The following MCU variants were observed in gnomAD, a reference collection of about 807,000 sequenced individuals.
MCU encodes mitochondrial calcium uniporter.
MCU carries 12 observed loss-of-function variants against 45.2 expected under a neutral mutation model. The ratio of observed to expected loss-of-function variants is 0.27; its 90% CI spans 0.17 to 0.43. The LOEUF is 0.43. Among genes scored for constraint, MCU ranks in the 20% least tolerant of loss-of-function variants. The pLI, the probability that MCU is intolerant of heterozygous loss-of-function variation, is 1.00. For synonymous variants in MCU, 160 were observed against 165.1 expected, an observed-to-expected ratio of 0.97 and a Z score of 0.24; for missense variants, 324 against 436.7, an observed-to-expected ratio of 0.74 and a Z score of 2.30.
At chr10:72,720,163 G>T (rs536022516) in intron 1 of MCU, among the ~76,000 whole-genome samples, 1 of 152,188 alleles carries the variant, frequency 6.6e-6, no homozygotes, top group East Asian at 1.9e-4. Flanking sequence ...ACTGTGCCTG[G>T]CCAATAATGT....
At chr10:72,776,821 A>G (rs1344619963) in intron 1 of MCU, among the ~76,000 whole-genome samples, 1 of 152,222 alleles carries the variant, frequency 6.6e-6, no homozygotes, top group Non-Finnish European at 1.5e-5. Flanking sequence ...AGAGAAACCT[A>G]AAGACTCCAC....
chr10:72,783,107 T>C (rs1393158963), intron 1 of MCU, among the ~76,000 whole-genome samples: 3 of 152,248 alleles, frequency 2.0e-5, no homozygotes, highest in Non-Finnish European at 4.4e-5. Flanking sequence ...ATATTCACCC[T>C]AAGTACTTCA....
intron 1 of MCU, among the ~76,000 whole-genome samples, chr10:72,823,871 G>A (rs1184436145): frequency 6.6e-6 from 1 of 151,978 alleles, no homozygotes; most frequent in Admixed American, 6.6e-5. Flanking sequence ...ACCAGCCCTG[G>A]CAACATAGCC....
intron 5 of MCU, among the ~76,000 whole-genome samples, chr10:72,869,819 C>T (rs374035017): frequency 2.0e-5 from 3 of 151,922 alleles, no homozygotes; most frequent in African/African-American, 7.2e-5. Flanking sequence ...GGGGGGTATC[C>T]GGGAACCAAT....
In MCU at chr10:72,754,836, A is replaced by G. The variant is rs554252033; in HGVS notation, c.150+62535A>G. Among the ~76,000 whole-genome samples, 221 of 152,298 alleles carry G rather than the reference A, an allele frequency of 1.5e-3. 2 individuals are homozygous for G. The highest frequency in any genetic ancestry group is 4.9e-3 in the African/African-American group (202 of 41,554). ...AGCTAGACACTGCCTCAAAAACAAC[A>G]ACAACAAAAAGCCCAACAAATGACA... On this transcript the variant is annotated intron_variant, in intron 1 of 7. Coordinates refer to ENST00000373053, the MANE Select transcript of MCU (RefSeq NM_138357.3).
At chr10:72,738,086 A>G (rs553133177) in intron 1 of MCU, among the ~76,000 whole-genome samples, 21 of 152,338 alleles carry the variant, frequency 1.4e-4, no homozygotes, top group South Asian at 2.1e-4. Context: ...CCTAGACTGG[A>G]CACTGGGAAC....
intron 1 of MCU, among the ~76,000 whole-genome samples, chr10:72,795,166 T>C (rs1844224741): frequency 6.6e-6 from 1 of 152,166 alleles, no homozygotes; most frequent in Non-Finnish European, 1.5e-5. Flanking sequence ...TTAGGTATAT[T>C]TCTTATTTTC....
In MCU at chr10:72,755,305, T is replaced by C. The variant is rs548909457; in HGVS notation, c.150+63004T>C. 1.4e-3 allele frequency among the ~76,000 whole-genome samples: 220 copies of C among 152,120 alleles called. 2 individuals are homozygous for C. The highest frequency in any genetic ancestry group is 4.8e-3 in the African/African-American group (201 of 41,504). Reference sequence around the variant, plus strand: ...CTGGGATTACAGGCATGCACCACCATGCCCAGCTAGTTTTGTATTTTTAGT... The same window carrying C: ...CTGGGATTACAGGCATGCACCACCACGCCCAGCTAGTTTTGTATTTTTAGT... On this transcript the variant is annotated intron_variant, in intron 1 of 7. Transcript: ENST00000373053.
At chr10:72,748,412 T>C (rs1277058945) in intron 1 of MCU, among the ~76,000 whole-genome samples, 8 of 152,262 alleles carry the variant, frequency 5.3e-5, no homozygotes, top group Admixed American at 5.2e-4. Flanking sequence ...AACTGTCATA[T>C]TGAACAGTGT....
At chr10:72,715,517 C>T (rs1164005536) in intron 1 of MCU, among the ~76,000 whole-genome samples, 2 of 152,152 alleles carry the variant, frequency 1.3e-5, no homozygotes, top group Non-Finnish European at 2.9e-5. Context: ...ACTATGCTAC[C>T]TCACACAGTT....
At chr10:72,706,934 A>C (rs1842829165) in intron 1 of MCU, among the ~76,000 whole-genome samples, 1 of 146,848 alleles carries the variant, frequency 6.8e-6, no homozygotes, top group Non-Finnish European at 1.5e-5. Context: ...GGTTCAAGTG[A>C]TTCTCCTGCC....
intron 1 of MCU, among the ~76,000 whole-genome samples, chr10:72,829,478 A>G (rs967625760): frequency 6.6e-6 from 1 of 152,078 alleles, no homozygotes; most frequent in Non-Finnish European, 1.5e-5. Flanking sequence ...TATGAAATTT[A>G]AATATATAAA....
chr10:72,729,980 A>C, intron 1 of MCU, among the ~76,000 whole-genome samples: 1 of 118,000 alleles, frequency 8.5e-6, no homozygotes. Flanking sequence ...TTTTTTCGAG[A>C]CAGTGTCTGG....
At position 72,765,857 on chromosome 10, in the gene MCU, A is replaced by C. The variant is rs114143171; in HGVS notation, c.151-68502A>C. Among the ~76,000 whole-genome samples the C allele has an allele frequency of 7.9e-3, 1,165 of 146,584 alleles. 13 individuals carry two copies. The highest frequency in any genetic ancestry group is 0.026 in the African/African-American group (1,039 of 40,290). The stretch of plus-strand genomic sequence containing the variant: ...ACAATTCAGATGACTATTTTCTTTT[A>C]TTTTATTTTCTTTTTCTTTTTTTTG... On this transcript the variant is annotated intron_variant, in intron 1 of 7. Transcript: ENST00000373053.
chr10:72,778,137 A>C (rs553762532), intron 1 of MCU, among the ~76,000 whole-genome samples: 14 of 152,314 alleles, frequency 9.2e-5, no homozygotes, highest in Non-Finnish European at 1.6e-4. Context: ...AAAACTAAAA[A>C]TAGAGCTGCC....
At chr10:72,824,483 A>G (rs1844766101) in intron 1 of MCU, among the ~76,000 whole-genome samples, 1 of 151,262 alleles carries the variant, frequency 6.6e-6, no homozygotes, top group Non-Finnish European at 1.5e-5. Context: ...TGCTGGGATT[A>G]CAGGCGTGAG....
intron 6 of MCU, among the ~76,000 whole-genome samples, chr10:72,878,101 A>G (rs1845643884): frequency 6.6e-6 from 1 of 150,578 alleles, no homozygotes; most frequent in African/African-American, 2.5e-5. Context: ...TATTTCTACA[A>G]ATAATTTTGC....
chr10:72,881,626 A>G (rs147876870), intron 6 of MCU, among the ~76,000 whole-genome samples: 3 of 152,370 alleles, frequency 2.0e-5, no homozygotes, highest in African/African-American at 7.2e-5. Context: ...ATACCCTACA[A>G]AGGATCTATA....
chr10:72,885,858 A>T lies in MCU; in HGVS notation c.*36A>T, dbSNP rs757335218. 1 of 1,554,548 alleles carries T rather than the reference A, an allele frequency of 6.4e-7. No individual in the cohort carries two copies. Among genetic ancestry groups the T allele is most frequent in the East Asian group, 2.2e-5 (1 of 44,592 alleles). On this transcript the variant is annotated 3_prime_UTR_variant, in exon 8 of 8. Transcript: ENST00000373053. ...GCCTCTGAATCCTGGCAGAAGGAAC[A>T]CCTGTTTGCCTTTTTAATTAAAGCA... is the stretch of plus-strand genomic sequence containing the variant.
Sources: gnomAD v4.1 joint callset for allele counts (sites outside exome capture counted in the v4.1 genomes callset) on GRCh38, gnomAD v4.1.1 for gene constraint, MANE v1.5 for transcripts, NCBI Gene and HGNC (gene_info 2026-07-23, HGNC 2026-07-21) for gene names.